The following USP42 variants were observed in gnomAD, a reference collection of about 807,000 sequenced individuals.
The protein encoded by USP42 is ubiquitin specific peptidase 42.
A neutral mutation model predicts 113.0 loss-of-function variants in USP42; 23 were observed. That is an observed-to-expected ratio of 0.20 (90% CI 0.15 to 0.29). The LOEUF is 0.29. Among genes scored for constraint, USP42 ranks in the 10% least tolerant of loss-of-function variants. The pLI is 1.00. For synonymous variants in USP42, 933 were observed against 699.0 expected (o/e 1.33, Z -5.28); for missense variants, 2,174 against 1,779.8 (o/e 1.22, Z -3.99).
chr7:6,107,478 C>T (rs1486083309), intron 1 of USP42, among the ~76,000 whole-genome samples: 1 of 148,922 alleles, frequency 6.7e-6, no homozygotes, highest in Non-Finnish European at 1.5e-5. Flanking sequence ...GGCGCGATCT[C>T]GGCTCACCAC....
rs745899992 is a variant in USP42 at position 6,145,767 on chromosome 7, C to G, written c.1131+111C>G. On this transcript the variant is annotated intron_variant, in intron 10 of 17. Coordinates refer to ENST00000306177, the MANE Select transcript of USP42 (RefSeq NM_032172.3). Reference sequence around the variant, plus strand: ...CTTTTACAGTTAAAATGTGAATACCCGAGGTAAAAATATTTCTCTTGGCCG... The same window carrying G: ...CTTTTACAGTTAAAATGTGAATACCGGAGGTAAAAATATTTCTCTTGGCCG... The G allele has an allele frequency of 2.8e-5, 35 of 1,237,944 alleles. No individual in the cohort carries two copies. The South Asian group carries it at 3.7e-4, about 13-fold the overall frequency. 76.7% of individuals were successfully genotyped at this position (1,237,944 alleles called of 1,614,324 possible).
chr7:6,086,991 G>A, the USP42 span, among the ~76,000 whole-genome samples: 1 of 149,890 alleles, frequency 6.7e-6, no homozygotes, highest in South Asian at 2.1e-4. Flanking sequence ...GCCTCCCAAA[G>A]AGCTGGGATT....
At chr7:6,088,510 G>A in the USP42 span, among the ~76,000 whole-genome samples, 5 of 151,084 alleles carry the variant, frequency 3.3e-5, no homozygotes, top group African/African-American at 1.2e-4. Context: ...ACCCGCCTTG[G>A]TCTCCCAAAG....
At chr7:6,151,685 C>T (rs1782060072) in intron 14 of USP42, among the ~76,000 whole-genome samples, 1 of 152,232 alleles carries the variant, frequency 6.6e-6, no homozygotes, top group Non-Finnish European at 1.5e-5. Flanking sequence ...TCAACTCATC[C>T]ACCCGCTGTG....
chr7:6,154,168 C>T lies in USP42; in HGVS notation c.2614C>T (p.Leu872Phe), dbSNP rs773869144. 12 of 1,596,086 alleles carry T rather than the reference C, an allele frequency of 7.5e-6. No homozygotes were observed. The highest frequency in any genetic ancestry group is 3.3e-4 in the Middle Eastern group (2 of 6,006). ...RSEEPCEQPL[L>F]VHPSGDHARD... ...GGAGGAGCCCTGCGAGCAGCCACTC[C>T]TTGTTCACCCCAGCGGGGACCACGC... The change falls in exon 15 of 18, where the codon CTT becomes TTT. Residue 872 changes from leucine to phenylalanine, a missense_variant. Physicochemically the swap from Leu to Phe is conservative, Grantham distance 22. Transcript: ENST00000306177.
the USP42 span, among the ~76,000 whole-genome samples, chr7:6,096,936 T>TC: frequency 6.7e-6 from 1 of 150,102 alleles, no homozygotes; most frequent in Non-Finnish European, 1.5e-5. Flanking sequence ...TCTTTTCTTT[T>TC]TTTTTTTGAG....
chr7:6,094,504 G>A, the USP42 span, among the ~76,000 whole-genome samples: 1 of 151,334 alleles, frequency 6.6e-6, no homozygotes, highest in Non-Finnish European at 1.5e-5. Context: ...ATTCTGTTGT[G>A]GATGTAGAAG....
chr7:6,130,947 G>T (rs1260607019), intron 3 of USP42, among the ~76,000 whole-genome samples: 1 of 152,114 alleles, frequency 6.6e-6, no homozygotes, highest in African/African-American at 2.4e-5. Context: ...GGATTGGCTG[G>T]TTTGAATAAT....
the USP42 span, among the ~76,000 whole-genome samples, chr7:6,088,538 T>C: frequency 6.6e-6 from 1 of 151,282 alleles, no homozygotes; most frequent in Non-Finnish European, 1.5e-5. Flanking sequence ...ATTACAGGCA[T>C]GAGCCACCGT....
chr7:6,082,160 G>C, the USP42 span, among the ~76,000 whole-genome samples: 1 of 149,858 alleles, frequency 6.7e-6, no homozygotes, highest in African/African-American at 2.5e-5. Context: ...ATAGAGTCTC[G>C]CTTTGTCGCC....
In USP42 at chr7:6,157,587, G is replaced by C. The variant is rs552885014; in HGVS notation, c.3943+532G>C. Among the ~76,000 whole-genome samples the C allele has an allele frequency of 6.6e-6, 1 of 152,070 alleles. No homozygotes were observed. Among genetic ancestry groups the C allele is most frequent in the African/African-American group, 2.4e-5 (1 of 41,398 alleles). On this transcript the variant is annotated intron_variant, in intron 16 of 17. Transcript: ENST00000306177. This position sits in a 1 kb window ranked among gnomAD's most constrained non-coding sequence, Gnocchi z 4.1. ...TAAATTTTGTGTTTTTAGTAGAGAC[G>C]GTGTTTCACCGTGTTAGCCAGGATG...
intron 3 of USP42, among the ~76,000 whole-genome samples, chr7:6,129,976 G>A (rs1187605622): frequency 2.0e-5 from 3 of 152,018 alleles, no homozygotes; most frequent in Non-Finnish European, 4.4e-5. Context: ...TCAGTTGAAA[G>A]CTGGATTTTA....
the USP42 span, among the ~76,000 whole-genome samples, chr7:6,094,912 T>C: frequency 6.6e-6 from 1 of 150,628 alleles, no homozygotes; most frequent in Non-Finnish European, 1.5e-5. Flanking sequence ...CTCAGCCTCC[T>C]GAGTAGCTGG....
rs758566349 is a variant in USP42 at position 6,154,150 on chromosome 7, C to A, written c.2596C>A (p.Pro866Thr). 2 of 1,594,434 alleles carry A rather than the reference C, an allele frequency of 1.3e-6. No individual in the cohort carries two copies. Among genetic ancestry groups the A allele is most frequent in the Non-Finnish European group, 1.7e-6 (2 of 1,171,610 alleles). ...GGCTCCGCCTGCGCGGTCGGAGGAGCCCTGCGAGCAGCCACTCCTTGTTCA... is the reference window on the plus strand; with the variant it reads ...GGCTCCGCCTGCGCGGTCGGAGGAGACCTGCGAGCAGCCACTCCTTGTTCA... ...SPAPPARSEE[P>T]CEQPLLVHPS... Residue 866 changes from proline (P) to threonine (T), a missense_variant, in exon 15 of 18, where the codon CCC (proline) becomes ACC (threonine). Coordinates refer to ENST00000306177, the MANE Select transcript of USP42 (RefSeq NM_032172.3).
chr7:6,153,606 A>T, intron 14 of USP42, 150 bp from the exon 15 acceptor site: 1 of 1,035,704 alleles, frequency 9.7e-7, no homozygotes, highest in Non-Finnish European at 1.3e-6. Flanking sequence ...CACATTGTGC[A>T]CATGTAGCCT....
Position 6,154,796 on chromosome 7 carries a change from G to T in USP42, c.3242G>T (p.Arg1081Leu), listed in dbSNP as rs1185252968. The part of the protein sequence containing the change: ...ARDWKPFHGG[R>L]EHERAGLHER... ...GACTGGAAGCCCTTCCACGGCGGCC[G>T]CGAGCACGAGCGGGCCGGGCTGCAC... The change falls in exon 15 of 18, where the codon CGC (arginine) becomes CTC (leucine). Residue 1081 changes from arginine (R) to leucine (L), a missense_variant. Arg to Leu is a moderately radical substitution (Grantham distance 102). Coordinates refer to ENST00000306177, the MANE Select transcript of USP42 (RefSeq NM_032172.3). The T allele has an allele frequency of 1.3e-6, 2 of 1,546,908 alleles. No individual in the cohort carries two copies. Among genetic ancestry groups the T allele is most frequent in the East Asian group, 2.5e-5 (1 of 40,676 alleles).
chr7:6,113,135 T>G (rs1304413354), intron 2 of USP42, among the ~76,000 whole-genome samples: 1 of 151,810 alleles, frequency 6.6e-6, no homozygotes, highest in Non-Finnish European at 1.5e-5. Context: ...AAACTTATAA[T>G]CCACCCGCCT....
At chr7:6,125,520 C>A (rs193245239) in intron 3 of USP42, among the ~76,000 whole-genome samples, 2 of 152,124 alleles carry the variant, frequency 1.3e-5, no homozygotes, top group Admixed American at 1.3e-4. Flanking sequence ...TTCTGCTTCT[C>A]GTGAAGTATA....
the USP42 span, among the ~76,000 whole-genome samples, chr7:6,095,831 C>G: frequency 6.6e-6 from 1 of 150,954 alleles, no homozygotes; most frequent in Non-Finnish European, 1.5e-5. Flanking sequence ...GGTGTGGTCA[C>G]ATCTCACTGC....
Sources: allele counts gnomAD v4.1 joint callset (sites outside exome capture counted in the v4.1 genomes callset), GRCh38; gene constraint gnomAD v4.1.1; non-coding constraint Gnocchi (gnomAD v3.1); transcripts MANE v1.5; gene names NCBI Gene and HGNC (gene_info 2026-07-23, HGNC 2026-07-21).